ST3GAL6: variants seen among roughly 807,000 people sequenced by gnomAD.
The protein encoded by ST3GAL6 is ST3 beta-galactoside alpha-2,3-sialyltransferase 6.
Under a neutral mutation model 40.5 loss-of-function variants are expected in ST3GAL6, and 31 were observed. The ratio of observed to expected loss-of-function variants is 0.77; its 90% CI spans 0.58 to 1.03. ST3GAL6 has a LOEUF of 1.03. ST3GAL6 is among the 50% of genes least tolerant of loss of function. The pLI is 0.00. For missense variants in ST3GAL6, 357 were observed against 393.2 expected (o/e 0.91, Z 0.78); for synonymous variants, 129 against 136.9 (o/e 0.94, Z 0.40).
intron 1 of ST3GAL6, chr3:98,756,555 C>A: frequency 8.1e-7 from 1 of 1,234,866 alleles, no homozygotes; most frequent in Non-Finnish European, 1.0e-6. Flanking sequence ...GCAAAGGCAA[C>A]ACCACCATTG....
chr3:98,752,174 C>T (rs1223404339), intron 1 of ST3GAL6, among the ~76,000 whole-genome samples: 1 of 152,050 alleles, frequency 6.6e-6, no homozygotes, highest in African/African-American at 2.4e-5. Flanking sequence ...GCATGGGAGC[C>T]CTCATAAAGA....
chr3:98,764,496 A>G (rs966654823), intron 1 of ST3GAL6, among the ~76,000 whole-genome samples: 1 of 152,176 alleles, frequency 6.6e-6, no homozygotes, highest in Non-Finnish European at 1.5e-5. Context: ...ACTAGAATTG[A>G]TATTGCTTAA....
intron 1 of ST3GAL6, among the ~76,000 whole-genome samples, chr3:98,735,787 G>T (rs1293890742): frequency 1.3e-5 from 2 of 151,466 alleles, no homozygotes; most frequent in Non-Finnish European, 2.9e-5. Context: ...GCATGGAATA[G>T]AATGTATACA....
At position 98,794,022 on chromosome 3, in the gene ST3GAL6, G is replaced by A. The variant is rs1348971836; in HGVS notation, c.*261G>A. On this transcript the variant is annotated 3_prime_UTR_variant, in exon 10 of 10. Transcript: ENST00000483910. Reference sequence around the variant, plus strand: ...CTAGTTTTCTGAGGTGTTTTCACACGTCTTTTTATAGTTACTTCATCTTAG... The same window carrying A: ...CTAGTTTTCTGAGGTGTTTTCACACATCTTTTTATAGTTACTTCATCTTAG... 3.6e-5 allele frequency: 9 copies of A among 252,822 alleles called. No individual in the cohort carries two copies. The highest frequency in any genetic ancestry group is 5.5e-5 in the Admixed American group (1 of 18,020). 15.7% of individuals were successfully genotyped at this position (252,822 alleles called of 1,614,324 possible).
At chr3:98,745,452 T>G (rs1936471757) in intron 1 of ST3GAL6, among the ~76,000 whole-genome samples, 1 of 152,244 alleles carries the variant, frequency 6.6e-6, no homozygotes, top group Non-Finnish European at 1.5e-5. Context: ...TGTTCTTGCT[T>G]TGGGACCTAG....
At chr3:98,782,711 G>A in intron 5 of ST3GAL6, 2 of 455,806 alleles carry the variant, frequency 4.4e-6, no homozygotes, top group South Asian at 1.8e-5. Flanking sequence ...TGCCAGCAGG[G>A]AGGAGGCCAA....
chr3:98,784,329 T>G (rs1370821458), intron 5 of ST3GAL6: 1 of 152,264 alleles, frequency 6.6e-6, no homozygotes, highest in Non-Finnish European at 1.5e-5. Context: ...GAACTTTTAG[T>G]TTGTATTGGT....
chr3:98,771,248 G>A (rs978214014), intron 3 of ST3GAL6: 1 of 996,272 alleles, frequency 1.0e-6, no homozygotes, highest in Non-Finnish European at 1.4e-6. Flanking sequence ...GTTCTTTAGG[G>A]TTTTATTTTT....
chr3:98,766,462 C>T (rs752998987), intron 1 of ST3GAL6, among the ~76,000 whole-genome samples: 28 of 137,126 alleles, frequency 2.0e-4, no homozygotes, highest in Non-Finnish European at 3.8e-4. Context: ...CACTCTGTCG[C>T]CCAGGCTGGA....
upstream of ST3GAL6, among the ~76,000 whole-genome samples, chr3:98,761,987 A>T (rs1410384556): frequency 6.6e-6 from 1 of 152,210 alleles, no homozygotes; most frequent in Non-Finnish European, 1.5e-5. Context: ...CTTTGCAGTG[A>T]GCACACCCCA....
chr3:98,777,033 G>T (rs1939617628), intron 5 of ST3GAL6, among the ~76,000 whole-genome samples: 1 of 152,196 alleles, frequency 6.6e-6, no homozygotes, highest in African/African-American at 2.4e-5. Flanking sequence ...CAGGGACCAA[G>T]GCTGCTTCTC....
At chr3:98,749,405 T>C (rs1380955687) in intron 1 of ST3GAL6, among the ~76,000 whole-genome samples, 1 of 152,248 alleles carries the variant, frequency 6.6e-6, no homozygotes, top group Admixed American at 6.5e-5. Flanking sequence ...TTTCATTTGC[T>C]GTGGAGAGCA....
upstream of ST3GAL6, chr3:98,762,636 AT>A (rs1405334621): frequency 2.8e-6 from 1 of 351,892 alleles, no homozygotes; most frequent in Non-Finnish European, 4.0e-6. Context: ...AGTGTGTTTG[AT>A]AAATGCATAA....
chr3:98,751,072 C>G (rs1198653955), intron 1 of ST3GAL6, among the ~76,000 whole-genome samples: 2 of 149,556 alleles, frequency 1.3e-5, no homozygotes, highest in Non-Finnish European at 3.0e-5. Flanking sequence ...GATGGAGTCT[C>G]GCTCTGTTGC....
chr3:98,789,605 G>A lies in ST3GAL6; in HGVS notation c.756+1142G>A, dbSNP rs928635109. 3.3e-5 allele frequency among the ~76,000 whole-genome samples: 5 copies of A among 151,972 alleles called. 1 individual carries two copies. The highest frequency in any genetic ancestry group is 3.3e-4 in the Admixed American group (5 of 15,242). On this transcript the variant is annotated intron_variant, in intron 8 of 9. Transcript: ENST00000483910. ...GTACATGTGTTTATAGGGGTTTTCTGCCCATTTGTCGGATTTCTGTAGGAT... is the reference window on the plus strand; with the variant it reads ...GTACATGTGTTTATAGGGGTTTTCTACCCATTTGTCGGATTTCTGTAGGAT...
At chr3:98,762,916 C>T (rs952517885), upstream of ST3GAL6, 5 of 985,338 alleles carry the variant, frequency 5.1e-6, no homozygotes, top group East Asian at 4.5e-4. Flanking sequence ...GGTTAATAAA[C>T]TGTGCTATCA....
intron 1 of ST3GAL6, among the ~76,000 whole-genome samples, chr3:98,766,055 TA>T (rs1938287869): frequency 6.6e-6 from 1 of 152,216 alleles, no homozygotes; most frequent in Non-Finnish European, 1.5e-5. Context: ...CTTAACTTCC[TA>T]AATGTTTTTC....
At chr3:98,792,425 C>T (rs547884813) in intron 9 of ST3GAL6, among the ~76,000 whole-genome samples, 1 of 152,150 alleles carries the variant, frequency 6.6e-6, no homozygotes, top group Non-Finnish European at 1.5e-5. Flanking sequence ...AAAAAGGTTA[C>T]CAACTTTCAT....
chr3:98,775,841 A>AG (rs1939498713), intron 5 of ST3GAL6, among the ~76,000 whole-genome samples: 1 of 152,170 alleles, frequency 6.6e-6, no homozygotes, highest in African/African-American at 2.4e-5. Context: ...AGTAGAGTGT[A>AG]GCTGGTGAGG....
Sources: gnomAD v4.1 joint callset for allele counts (sites outside exome capture counted in the v4.1 genomes callset) on GRCh38, gnomAD v4.1.1 for gene constraint, MANE v1.5 for transcripts, NCBI Gene and HGNC (gene_info 2026-07-23, HGNC 2026-07-21) for gene names.